The following CENPO variants were observed in gnomAD, a reference collection of about 807,000 sequenced individuals.
CENPO encodes the protein centromeric protein O.
CENPO carries 30 observed loss-of-function variants against 36.1 expected under a neutral mutation model. That is an observed-to-expected ratio of 0.83 (90% confidence interval 0.62 to 1.13). CENPO has a LOEUF of 1.13. Among genes scored for constraint, CENPO ranks in the 50% most tolerant of loss-of-function variants. CENPO has a pLI of 0.00. For synonymous variants in CENPO, 171 were observed against 142.3 expected (o/e 1.20, Z -1.44); for missense variants, 349 against 357.8 (o/e 0.98, Z 0.20).
intron 2 of CENPO, among the ~76,000 whole-genome samples, chr2:24,796,797 A>G (rs1665927961): frequency 6.6e-6 from 1 of 151,994 alleles, no homozygotes; most frequent in South Asian, 2.1e-4. Context: ...GAGCTAGAGT[A>G]GCTGCAGGTG....
At position 24,821,782 on chromosome 2, in the gene CENPO, G is replaced by C; in HGVS notation, c.*2464G>C. On this transcript the variant is annotated 3_prime_UTR_variant, in exon 8 of 8. Coordinates refer to ENST00000380834, the MANE Select transcript of CENPO (RefSeq NM_001322101.2). ...TTACTTTTCCTCCCACAAAGGAGTC[G>C]CAGCCACGCTAGCTCTGACTTGCCA... is the stretch of plus-strand genomic sequence containing the variant. 1 of 1,255,336 alleles carries C rather than the reference G, an allele frequency of 8.0e-7. No individual in the cohort carries two copies. Among genetic ancestry groups the C allele is most frequent in the Non-Finnish European group, 1.1e-6 (1 of 915,776 alleles). The allele number at this position is 1,255,336 out of a possible 1,614,324, so 77.8% of individuals were successfully genotyped here.
At position 24,795,426 on chromosome 2, in the gene CENPO, A is replaced by G. The variant is rs144153019; in HGVS notation, c.46+1461A>G. 3.0e-3 allele frequency among the ~76,000 whole-genome samples: 455 copies of G among 152,264 alleles called. 1 individual carries two copies. The highest frequency in any genetic ancestry group is 7.6e-3 in the African/African-American group (314 of 41,536). On this transcript the variant is annotated intron_variant, in intron 2 of 7. Transcript: ENST00000380834. ...AGCTGACTGGCTAGGATGAGATGCA[A>G]TCATAACTTCCAAGGTAAAGCAGGC...
In CENPO at chr2:24,821,353, C is replaced by G. The variant is rs549070428; in HGVS notation, c.*2035C>G. On this transcript the variant is annotated 3_prime_UTR_variant, in exon 8 of 8. Coordinates refer to ENST00000380834, the MANE Select transcript of CENPO (RefSeq NM_001322101.2). ...GGTTTTTGGTTTAGTCATCTAGAGT[C>G]GTCTGGACTAAAGGTCTTTCAGGTC... The G allele has an allele frequency of 3.0e-6, 3 of 1,007,514 alleles. No individual in the cohort carries two copies. Among genetic ancestry groups the G allele is most frequent in the Non-Finnish European group, 4.3e-6 (3 of 691,704 alleles). The allele number at this position is 1,007,514 out of a possible 1,614,324, so 62.4% of individuals were successfully genotyped here.
chr2:24,819,632 C>G lies in CENPO; in HGVS notation c.*314C>G. On this transcript the variant is annotated 3_prime_UTR_variant, in exon 8 of 8. Transcript: ENST00000380834. Reference sequence around the variant, plus strand: ...GGCAGCTTTGTCCCAGCTCTGCCACCCTCCTGCTCACAGTGGTCAGGGCCC... The same window carrying G: ...GGCAGCTTTGTCCCAGCTCTGCCACGCTCCTGCTCACAGTGGTCAGGGCCC... The G allele has an allele frequency of 3.8e-6, 1 of 264,886 alleles. No homozygotes were observed. Among genetic ancestry groups the G allele is most frequent in the Non-Finnish European group, 7.1e-6 (1 of 140,050 alleles). 16.4% of individuals were successfully genotyped at this position (264,886 alleles called of 1,614,324 possible). A position where few individuals can be genotyped will look rare whatever the true frequency, so the allele number is the denominator to read the frequency against.
chr2:24,806,580 T>C (rs770264058), intron 3 of CENPO, among the ~76,000 whole-genome samples: 9 of 152,206 alleles, frequency 5.9e-5, no homozygotes, highest in Admixed American at 2.6e-4. Context: ...CATATACATA[T>C]TGGGTATATG....
At chr2:24,805,538 C>G (rs535030229) in intron 3 of CENPO, among the ~76,000 whole-genome samples, 133 of 152,316 alleles carry the variant, frequency 8.7e-4, no homozygotes, top group Middle Eastern at 3.4e-3. Context: ...AGTTTTCCTT[C>G]TAACAGTCGG....
chr2:24,805,146 G>A (rs564828024), intron 3 of CENPO, among the ~76,000 whole-genome samples: 8 of 152,256 alleles, frequency 5.3e-5, no homozygotes, highest in African/African-American at 1.7e-4. Context: ...CATTCGTCAC[G>A]TGGGTCTCAC....
In CENPO at chr2:24,820,962, G is replaced by A; in HGVS notation, c.*1644G>A. 6.9e-7 allele frequency: 1 copy of A among 1,439,760 alleles called. No individual in the cohort carries two copies. Among genetic ancestry groups the A allele is most frequent in the Non-Finnish European group, 9.4e-7 (1 of 1,058,954 alleles). The allele number at this position is 1,439,760 out of a possible 1,614,324, so 89.2% of individuals were successfully genotyped here. A position where few individuals can be genotyped will look rare whatever the true frequency, so the allele number is the denominator to read the frequency against. On this transcript the variant is annotated 3_prime_UTR_variant, in exon 8 of 8. Transcript: ENST00000380834. ...AAAGCTCCTAATGTAACACATCATT[G>A]TCCTCATTCAACTTGGCTGTATGCT...
chr2:24,796,996 G>A (rs1665937754), intron 2 of CENPO, among the ~76,000 whole-genome samples: 1 of 152,204 alleles, frequency 6.6e-6, no homozygotes, highest in African/African-American at 2.4e-5. Context: ...CTCGTAGGCA[G>A]TGTGAAGTCA....
In CENPO at chr2:24,793,442, C is replaced by T. The variant is rs557834878; in HGVS notation, c.-128C>T. The T allele has an allele frequency of 6.2e-7, 1 of 1,606,018 alleles. No homozygotes were observed. Among genetic ancestry groups the T allele is most frequent in the Non-Finnish European group, 8.5e-7 (1 of 1,175,856 alleles). ...TGTACGGCAGGATCGCAAAGCACGC[C>T]GGGACCGGTTGGTTTGGTTTTGAAG... On this transcript the variant is annotated 5_prime_UTR_variant, in exon 1 of 8. Coordinates refer to ENST00000380834, the MANE Select transcript of CENPO (RefSeq NM_001322101.2).
chr2:24,819,308 TTAAAAA>T, intron 7 of CENPO, 40 bp from the exon 8 acceptor site: 1 of 152,756 alleles, frequency 6.5e-6, no homozygotes, highest in Middle Eastern at 3.4e-3. Flanking sequence ...TAACAGAAGA[TTAAAAA>T]TATAAATGTA....
At chr2:24,814,896 T>A (rs1381910501) in intron 4 of CENPO, 1 of 177,768 alleles carries the variant, frequency 5.6e-6, no homozygotes, top group Non-Finnish European at 1.2e-5. Context: ...AAGATAGTTG[T>A]GGGAAGAACT....
At position 24,820,151 on chromosome 2, in the gene CENPO, G is replaced by A. The variant is rs367721249; in HGVS notation, c.*833G>A. On this transcript the variant is annotated 3_prime_UTR_variant, in exon 8 of 8. Coordinates refer to ENST00000380834, the MANE Select transcript of CENPO (RefSeq NM_001322101.2). ...GGGGGAGCAAGAACGTGGCGTTACG[G>A]GGGGAGCCTAGACTGAGGGCGGGTG... 1 of 1,508,534 alleles carries A rather than the reference G, an allele frequency of 6.6e-7. No homozygotes were observed. Among genetic ancestry groups the A allele is most frequent in the Non-Finnish European group, 8.9e-7 (1 of 1,123,382 alleles). 93.4% of individuals were successfully genotyped at this position (1,508,534 alleles called of 1,614,324 possible). A position where few individuals can be genotyped will look rare whatever the true frequency, so the allele number is the denominator to read the frequency against.
intron 3 of CENPO, among the ~76,000 whole-genome samples, chr2:24,802,446 G>A (rs1335196141): frequency 4.6e-5 from 7 of 152,024 alleles, no homozygotes; most frequent in South Asian, 4.1e-4. Context: ...CCCATTCAGT[G>A]TGATATTGGC....
rs1436699123 is a variant in CENPO, at chr2:24,814,495, TTTTG to T, written c.334+10_334+13del. ...TTCTGCAGGCATATCATTTTACAGG[TTTTG>T]TTTGTTTTTTTAACCTAATTTAGTC... On this transcript the variant is annotated splice_donor_5th_base_variant and intron_variant, in intron 4 of 7. Coordinates refer to ENST00000380834, the MANE Select transcript of CENPO (RefSeq NM_001322101.2). The T allele has an allele frequency of 3.5e-6, 5 of 1,430,584 alleles. No homozygotes were observed. In the African/African-American group the frequency reaches 5.6e-5, roughly 16 times the overall value. 88.6% of individuals were successfully genotyped at this position (1,430,584 alleles called of 1,614,324 possible). A position where few individuals can be genotyped will look rare whatever the true frequency, so the allele number is the denominator to read the frequency against.
At position 24,804,662 on chromosome 2, in the gene CENPO, T is replaced by A. The variant is rs572412716; in HGVS notation, c.216+4818T>A. On this transcript the variant is annotated intron_variant, in intron 3 of 7. Coordinates refer to ENST00000380834, the MANE Select transcript of CENPO (RefSeq NM_001322101.2). The stretch of plus-strand genomic sequence containing the variant: ...GAATGTTGAACATTGGCCCCCACTC[T>A]CTTCTGACTTGTAGAGTTTGTGCCG... 5.9e-5 allele frequency among the ~76,000 whole-genome samples: 9 copies of A among 152,338 alleles called. No individual in the cohort carries two copies. The South Asian group carries it at 1.9e-3, about 32-fold the overall frequency.
In CENPO at chr2:24,821,763, T is replaced by C; in HGVS notation, c.*2445T>C. On this transcript the variant is annotated 3_prime_UTR_variant, in exon 8 of 8. Transcript: ENST00000380834. ...CACCTAGATGTTCAAGGCCTTACTT[T>C]TCCTCCCACAAAGGAGTCGCAGCCA... The C allele has an allele frequency of 7.0e-7, 1 of 1,423,188 alleles. No homozygotes were observed. Among genetic ancestry groups the C allele is most frequent in the Non-Finnish European group, 9.4e-7 (1 of 1,064,100 alleles). 88.2% of individuals were successfully genotyped at this position (1,423,188 alleles called of 1,614,324 possible).
At chr2:24,802,440 T>C (rs1023032420) in intron 3 of CENPO, among the ~76,000 whole-genome samples, 1 of 152,186 alleles carries the variant, frequency 6.6e-6, no homozygotes, top group Non-Finnish European at 1.5e-5. Flanking sequence ...TTTTTGCCCA[T>C]TCAGTGTGAT....
At chr2:24,815,880 G>A (rs1666919308) in intron 5 of CENPO, 124 bp downstream of exon 5, 1 of 866,632 alleles carries the variant, frequency 1.2e-6, no homozygotes, top group Non-Finnish European at 1.8e-6. Flanking sequence ...CCTTTCCGAT[G>A]CTTGTTTCTT....
Sources: allele counts gnomAD v4.1 joint callset (sites outside exome capture counted in the v4.1 genomes callset), GRCh38; gene constraint gnomAD v4.1.1; transcripts MANE v1.5; gene names NCBI Gene and HGNC (gene_info 2026-07-23, HGNC 2026-07-21).